Variants in ADGRV1 observed in about 807,000 individuals in gnomAD.
ADGRV1 encodes the protein G-protein coupled receptor 98.
ADGRV1 carries 359 observed loss-of-function variants against 596.2 expected under a neutral mutation model. The observed-to-expected ratio is 0.60, with a 90% CI of 0.55 to 0.66. ADGRV1 has a LOEUF of 0.66. ADGRV1 is among the 30% of genes least tolerant of loss of function. ADGRV1 has a pLI of 0.00. For synonymous variants in ADGRV1, 2,681 were observed against 2,679.2 expected (o/e 1.00, Z -0.02); for missense variants, 7,274 against 7,575.6 (o/e 0.96, Z 1.48).
At chr5:91,055,693 C>T (rs1349741351) in intron 85 of ADGRV1, among the ~76,000 whole-genome samples, 1 of 152,168 alleles carries the variant, frequency 6.6e-6, no homozygotes, top group East Asian at 1.9e-4. Flanking sequence ...CTTTTCTTCA[C>T]TTCAGAATGA....
chr5:90,765,344 T>G (rs1362694715), intron 59 of ADGRV1, among the ~76,000 whole-genome samples: 1 of 152,010 alleles, frequency 6.6e-6, no homozygotes, highest in Non-Finnish European at 1.5e-5. Context: ...TTGCATAGTA[T>G]TACTTGTAAA....
At chr5:90,632,298 A>C (rs892996299) in intron 9 of ADGRV1, among the ~76,000 whole-genome samples, 1 of 152,182 alleles carries the variant, frequency 6.6e-6, no homozygotes, top group African/African-American at 2.4e-5. Flanking sequence ...GCATTCTGGC[A>C]TATGTGGAGT....
At chr5:90,727,326 C>T (rs1299437284) in intron 48 of ADGRV1, among the ~76,000 whole-genome samples, 2 of 152,042 alleles carry the variant, frequency 1.3e-5, no homozygotes, top group East Asian at 3.9e-4. Flanking sequence ...CCTTTTTATT[C>T]TTTCACATCG....
chr5:90,975,925 G>A (rs900471079), intron 84 of ADGRV1, among the ~76,000 whole-genome samples: 1 of 151,814 alleles, frequency 6.6e-6, no homozygotes, highest in Admixed American at 6.6e-5. Flanking sequence ...TTAAAATCTT[G>A]CAGTATCTTT....
chr5:90,935,409 G>A (rs968237660), intron 83 of ADGRV1, among the ~76,000 whole-genome samples: 2 of 152,162 alleles, frequency 1.3e-5, no homozygotes, highest in Admixed American at 1.3e-4. Flanking sequence ...GCATCTCTCT[G>A]CTACATTCAG....
intron 72 of ADGRV1, among the ~76,000 whole-genome samples, chr5:90,806,764 T>G (rs918419779): frequency 3.3e-5 from 5 of 152,184 alleles, no homozygotes; most frequent in Admixed American, 3.3e-4. Context: ...TCATTTAGTT[T>G]TTTGAGCCTT....
chr5:90,675,621 G>C (rs1773132882), intron 24 of ADGRV1, among the ~76,000 whole-genome samples, 176 bp downstream of exon 24: 1 of 151,954 alleles, frequency 6.6e-6, no homozygotes, highest in African/African-American at 2.4e-5. Flanking sequence ...AACGTCGCAA[G>C]TCACTTTCTC....
chr5:90,661,291 TA>T (rs1430026582), intron 21 of ADGRV1, among the ~76,000 whole-genome samples: 2 of 152,234 alleles, frequency 1.3e-5, no homozygotes, highest in African/African-American at 4.8e-5. Context: ...TTATTTTTTA[TA>T]ACTAATACTT....
chr5:90,610,748 C>T (rs773517801), intron 1 of ADGRV1, among the ~76,000 whole-genome samples: 11 of 151,900 alleles, frequency 7.2e-5, no homozygotes, highest in Non-Finnish European at 5.9e-5. Context: ...TTGAAAGTGA[C>T]GGAAAACCCA....
chr5:90,751,416 T>G (rs1463375417), intron 53 of ADGRV1, among the ~76,000 whole-genome samples: 4 of 152,136 alleles, frequency 2.6e-5, no homozygotes, highest in Non-Finnish European at 4.4e-5. Flanking sequence ...TGATTCCCAA[T>G]GAGGAGCACA....
chr5:90,964,096 A>G (rs1233028342), intron 83 of ADGRV1, among the ~76,000 whole-genome samples: 1 of 151,970 alleles, frequency 6.6e-6, no homozygotes, highest in East Asian at 1.9e-4. Context: ...TTGAGTAGAA[A>G]TTTTCAAGGG....
At position 91,127,320 on chromosome 5, in the gene ADGRV1, G is replaced by T. The variant is rs1458762601; in HGVS notation, c.18433-22710G>T. Among the ~76,000 whole-genome samples the T allele has an allele frequency of 2.0e-5, 3 of 152,102 alleles. No homozygotes were observed. In the East Asian group the frequency reaches 5.8e-4, roughly 29 times the overall value. ...TTTGGGAGGCTGATGTGGGCAGATT[G>T]CTTGAGGCCAGGAGTTTGAGACCCA... On this transcript the variant is annotated intron_variant, in intron 87 of 89. Coordinates refer to ENST00000405460, the MANE Select transcript of ADGRV1 (RefSeq NM_032119.4).
chr5:90,824,719 A>G (rs1763924745), intron 76 of ADGRV1, among the ~76,000 whole-genome samples: 1 of 152,236 alleles, frequency 6.6e-6, no homozygotes, highest in Non-Finnish European at 1.5e-5. Flanking sequence ...TGTGCTGTAT[A>G]ATGAAACCAA....
intron 85 of ADGRV1, among the ~76,000 whole-genome samples, chr5:91,056,437 G>A (rs917828120): frequency 1.4e-4 from 21 of 152,008 alleles, no homozygotes; most frequent in Admixed American, 1.3e-4. Flanking sequence ...TTTTCATCGC[G>A]CATCACAATC....
intron 83 of ADGRV1, among the ~76,000 whole-genome samples, chr5:90,868,309 C>G (rs1049674338): frequency 2.6e-5 from 4 of 152,034 alleles, no homozygotes; most frequent in Admixed American, 2.6e-4. Flanking sequence ...AGTTTCATTT[C>G]AAATATTATT....
chr5:90,620,771 T>C lies in ADGRV1; in HGVS notation c.453+1590T>C, dbSNP rs532538419. Among the ~76,000 whole-genome samples the C allele has an allele frequency of 1.1e-3, 173 of 152,342 alleles. 1 individual carries two copies. Among genetic ancestry groups the C allele is most frequent in the African/African-American group, 4.0e-3 (165 of 41,584 alleles). ...CTTTAATCTATCTTGAATTAATTTTTGTATAAGGTGTAAGGAAGGGATCCA... is the reference window on the plus strand; with the variant it reads ...CTTTAATCTATCTTGAATTAATTTTCGTATAAGGTGTAAGGAAGGGATCCA... On this transcript the variant is annotated intron_variant, in intron 4 of 89. Transcript: ENST00000405460.
intron 1 of ADGRV1, among the ~76,000 whole-genome samples, 183 bp downstream of exon 1, chr5:90,559,100 C>G (rs1728437870): frequency 6.6e-6 from 1 of 152,082 alleles, no homozygotes; most frequent in African/African-American, 2.4e-5. Flanking sequence ...CATAGCTGCC[C>G]GCGTCGGTTC....
intron 10 of ADGRV1, among the ~76,000 whole-genome samples, chr5:90,635,916 T>C (rs1196033772): frequency 6.6e-6 from 1 of 151,784 alleles, no homozygotes; most frequent in Non-Finnish European, 1.5e-5. Context: ...TTTTTTTTTT[T>C]TCTTAATGGC....
At chr5:90,799,072 G>C (rs914058046) in intron 70 of ADGRV1, among the ~76,000 whole-genome samples, 1 of 152,134 alleles carries the variant, frequency 6.6e-6, no homozygotes, top group Non-Finnish European at 1.5e-5. Flanking sequence ...GGAAGTTCTG[G>C]CCAGGGCAAT....
Sources: gnomAD v4.1 joint callset for allele counts (sites outside exome capture counted in the v4.1 genomes callset) on GRCh38, gnomAD v4.1.1 for gene constraint, MANE v1.5 for transcripts, NCBI Gene and HGNC (gene_info 2026-07-23, HGNC 2026-07-21) for gene names.